TRAPPC9: variants seen among roughly 807,000 people sequenced by gnomAD.
TRAPPC9 encodes IKK2 binding protein.
A neutral mutation model predicts 124.0 loss-of-function variants in TRAPPC9; 83 were observed. The observed-to-expected ratio is 0.67, with a 90% CI of 0.56 to 0.80. The LOEUF is 0.80. TRAPPC9 is among the 30% of genes least tolerant of loss of function. The probability of loss-of-function intolerance (pLI) is 0.00; values close to 1 mark genes in which losing one functional copy is unlikely to be tolerated. For synonymous variants in TRAPPC9, 638 were observed against 617.5 expected (o/e 1.03, Z -0.49); for missense variants, 1,302 against 1,508.3 (o/e 0.86, Z 2.27).
At chr8:140,032,851 A>G (rs952310739) in intron 17 of TRAPPC9, among the ~76,000 whole-genome samples, 5 of 152,232 alleles carry the variant, frequency 3.3e-5, no homozygotes, top group African/African-American at 1.2e-4. Context: ...GTTAACAGCC[A>G]TGCTTGAGAG....
chr8:140,136,327 C>T (rs565289108), intron 17 of TRAPPC9, among the ~76,000 whole-genome samples: 1 of 152,294 alleles, frequency 6.6e-6, no homozygotes, highest in African/African-American at 2.4e-5. Context: ...GGAGCCCACA[C>T]AGGAGGACAG....
intron 2 of TRAPPC9, among the ~76,000 whole-genome samples, chr8:140,450,354 C>G (rs1419688980): frequency 1.3e-5 from 2 of 151,926 alleles, no homozygotes; most frequent in African/African-American, 4.8e-5. Flanking sequence ...GAGTAAGACT[C>G]TGTCTCAAAA....
chr8:140,207,602 G>A (rs928672206), intron 17 of TRAPPC9, among the ~76,000 whole-genome samples: 2 of 152,154 alleles, frequency 1.3e-5, no homozygotes, highest in African/African-American at 2.4e-5. Context: ...AGAATAGTTC[G>A]TGAGTCCCAC....
intron 19 of TRAPPC9, among the ~76,000 whole-genome samples, chr8:139,930,258 G>A (rs1327592498): frequency 6.6e-6 from 1 of 152,200 alleles, no homozygotes; most frequent in Non-Finnish European, 1.5e-5. Flanking sequence ...CTCCTGAGAT[G>A]GGAAGGCTTA....
chr8:140,349,259 G>A (rs1210613333), intron 9 of TRAPPC9, among the ~76,000 whole-genome samples: 1,328 of 88,486 alleles, frequency 0.015, 13 homozygotes, highest in Non-Finnish European at 0.022. Flanking sequence ...AGGGCACAGA[G>A]GGGGGCCGAT....
At chr8:139,921,049 C>T (rs894604561) in intron 19 of TRAPPC9, among the ~76,000 whole-genome samples, 4 of 152,212 alleles carry the variant, frequency 2.6e-5, no homozygotes, top group Non-Finnish European at 4.4e-5. Flanking sequence ...CCCTGCCAAG[C>T]AAGCGGGACC....
chr8:139,863,094 C>A (rs948721704), intron 21 of TRAPPC9, among the ~76,000 whole-genome samples: 2 of 152,258 alleles, frequency 1.3e-5, no homozygotes, highest in African/African-American at 4.8e-5. Context: ...GCTCATTTGG[C>A]GTGTCTTCTC....
At chr8:140,306,899 C>T (rs1000593954) in intron 10 of TRAPPC9, among the ~76,000 whole-genome samples, 2 of 152,142 alleles carry the variant, frequency 1.3e-5, no homozygotes, top group Non-Finnish European at 2.9e-5. Context: ...TGATCTGAAG[C>T]AGTGTGGTGG....
chr8:139,738,965 G>T (rs954837371), intron 21 of TRAPPC9, among the ~76,000 whole-genome samples: 3 of 152,170 alleles, frequency 2.0e-5, no homozygotes, highest in Non-Finnish European at 4.4e-5. Flanking sequence ...ACAGAACAAG[G>T]TGTTCTAGGA....
At chr8:139,858,601 G>C (rs1213920235) in intron 21 of TRAPPC9, among the ~76,000 whole-genome samples, 1 of 152,174 alleles carries the variant, frequency 6.6e-6, no homozygotes, top group Non-Finnish European at 1.5e-5. Flanking sequence ...CAGTAGATCT[G>C]GGGACTGGGT....
intron 21 of TRAPPC9, among the ~76,000 whole-genome samples, chr8:139,734,812 C>T: frequency 6.6e-6 from 1 of 152,222 alleles, no homozygotes; most frequent in East Asian, 1.9e-4. Flanking sequence ...ACTATAGGGC[C>T]CAGGGAAGTA....
intron 17 of TRAPPC9, among the ~76,000 whole-genome samples, chr8:140,163,745 G>T (rs2061787751): frequency 6.6e-6 from 1 of 152,172 alleles, no homozygotes; most frequent in African/African-American, 2.4e-5. Context: ...AGGGAGATAA[G>T]GGGGAGGGGA....
intron 15 of TRAPPC9, among the ~76,000 whole-genome samples, chr8:140,270,484 A>T (rs1174282638): frequency 6.6e-6 from 1 of 152,188 alleles, no homozygotes; most frequent in Non-Finnish European, 1.5e-5. Flanking sequence ...CAGGCCCTGG[A>T]AATAGAAGAG....
chr8:140,032,595 C>T (rs777410846), intron 17 of TRAPPC9, among the ~76,000 whole-genome samples: 2 of 152,122 alleles, frequency 1.3e-5, no homozygotes, highest in Non-Finnish European at 2.9e-5. Context: ...GTGTGCCATT[C>T]CATGGTACAG....
intron 17 of TRAPPC9, among the ~76,000 whole-genome samples, chr8:140,158,645 A>T (rs1277711277): frequency 2.6e-5 from 4 of 152,234 alleles, no homozygotes; most frequent in African/African-American, 9.6e-5. Flanking sequence ...AAATTATGTT[A>T]CTTCTAAAGT....
chr8:140,091,397 T>C (rs1045218179), intron 17 of TRAPPC9, among the ~76,000 whole-genome samples: 1 of 152,184 alleles, frequency 6.6e-6, no homozygotes, highest in Admixed American at 6.5e-5. Context: ...GCTGAGTTAA[T>C]AGGAGGGGTC....
chr8:139,957,884 T>C (rs1835105532), intron 19 of TRAPPC9, among the ~76,000 whole-genome samples: 1 of 152,184 alleles, frequency 6.6e-6, no homozygotes, highest in Admixed American at 6.5e-5. Context: ...AGGCCCCGTG[T>C]TCTAATCAAA....
intron 21 of TRAPPC9, among the ~76,000 whole-genome samples, chr8:139,869,202 A>C (rs1259577344): frequency 6.6e-6 from 1 of 152,210 alleles, no homozygotes; most frequent in African/African-American, 2.4e-5. Flanking sequence ...ATCCAAGAGA[A>C]CCACATAAAA....
chr8:140,165,781 A>G (rs1332407593), intron 17 of TRAPPC9, among the ~76,000 whole-genome samples: 1 of 152,082 alleles, frequency 6.6e-6, no homozygotes, highest in Non-Finnish European at 1.5e-5. Context: ...TTCAAACCAA[A>G]GCAACCTGCC....
Sources: allele counts gnomAD v4.1 joint callset (sites outside exome capture counted in the v4.1 genomes callset), GRCh38; gene constraint gnomAD v4.1.1; transcripts MANE v1.5; gene names NCBI Gene and HGNC (gene_info 2026-07-23, HGNC 2026-07-21).